Variants in TIAM2 observed in about 807,000 individuals in gnomAD.
TIAM2 encodes rho guanine nucleotide exchange factor TIAM2.
In TIAM2, 80 loss-of-function variants were observed where a neutral mutation model predicts 152.9. That is an observed-to-expected ratio of 0.52 (90% CI 0.44 to 0.63). The LOEUF is 0.63. Among genes scored for constraint, TIAM2 ranks in the 30% least tolerant of loss-of-function variants. TIAM2 has a pLI of 0.00. For missense variants in TIAM2, 1,965 were observed against 2,120.1 expected (o/e 0.93, Z 1.44); for synonymous variants, 804 against 838.0 (o/e 0.96, Z 0.70).
At chr6:155,009,133 G>A (rs1035019961) in intron 1 of TIAM2, among the ~76,000 whole-genome samples, 2 of 119,636 alleles carry the variant, frequency 1.7e-5, no homozygotes, top group South Asian at 2.7e-4. Flanking sequence ...GCAGGGTCTC[G>A]CTCTGTCACC....
chr6:155,002,762 A>T (rs769069162), intron 1 of TIAM2, among the ~76,000 whole-genome samples: 16 of 151,430 alleles, frequency 1.1e-4, no homozygotes, highest in Non-Finnish European at 2.4e-4. Context: ...CTCACTGCGA[A>T]CTCTGCCTCC....
At chr6:155,075,736 A>G (rs1777942026) in intron 1 of TIAM2, among the ~76,000 whole-genome samples, 2 of 152,144 alleles carry the variant, frequency 1.3e-5, no homozygotes, top group Non-Finnish European at 1.5e-5. Context: ...CGGTAATTTT[A>G]TATTCGAAAG....
chr6:155,126,731 CAAATAAAT>C (rs59895840), intron 2 of TIAM2, among the ~76,000 whole-genome samples: 1 of 150,448 alleles, frequency 6.6e-6, no homozygotes, highest in African/African-American at 2.5e-5. Context: ...AACTCTGTCT[CAAATAAAT>C]AAATAAATAA....
At chr6:155,147,546 C>T (rs1038034646) in intron 6 of TIAM2, among the ~76,000 whole-genome samples, 8 of 152,198 alleles carry the variant, frequency 5.3e-5, no homozygotes, top group South Asian at 2.1e-4. Context: ...AGTGCAGTAG[C>T]GTGATCTTGG....
intron 1 of TIAM2, among the ~76,000 whole-genome samples, chr6:155,086,717 A>AAAC (rs1554229185): frequency 2.6e-5 from 4 of 151,030 alleles, no homozygotes; most frequent in African/African-American, 9.7e-5. Context: ...GGAAAAAAAA[A>AAAC]AAAAAAACCC....
rs149547051 is a variant in TIAM2, at chr6:155,041,607, G to T, written c.-209+46115G>T. 3.3e-5 allele frequency among the ~76,000 whole-genome samples: 5 copies of T among 151,944 alleles called. No individual in the cohort carries two copies. The East Asian group carries it at 7.7e-4, about 24-fold the overall frequency. ...AAGTCTTACAAAAATTAGTTGTCAC[G>T]TTCATGTCACAGCTTTGATTTGATC... On this transcript the variant is annotated intron_variant, in intron 1 of 26. Transcript: ENST00000682666.
chr6:155,196,229 C>T (rs1227687075), intron 14 of TIAM2, among the ~76,000 whole-genome samples: 2 of 152,010 alleles, frequency 1.3e-5, no homozygotes, highest in Non-Finnish European at 2.9e-5. Context: ...CAGGTTTTGG[C>T]GTGAGCATCC....
chr6:155,196,149 T>C (rs1781342139), intron 14 of TIAM2, among the ~76,000 whole-genome samples: 1 of 151,664 alleles, frequency 6.6e-6, no homozygotes, highest in South Asian at 2.1e-4. Flanking sequence ...CTGCTTGGGG[T>C]GGTGGCAGTG....
At chr6:155,030,414 A>G (rs1194378515) in intron 1 of TIAM2, among the ~76,000 whole-genome samples, 1 of 152,154 alleles carries the variant, frequency 6.6e-6, no homozygotes, top group Non-Finnish European at 1.5e-5. Flanking sequence ...ACATTTTGTT[A>G]CTATGATCTC....
At chr6:155,125,639 G>C (rs1344291917) in intron 2 of TIAM2, among the ~76,000 whole-genome samples, 1 of 152,182 alleles carries the variant, frequency 6.6e-6, no homozygotes, top group East Asian at 1.9e-4. Flanking sequence ...GGAAGTTCGA[G>C]ACCAGCCTGG....
intron 1 of TIAM2, among the ~76,000 whole-genome samples, chr6:155,071,307 T>C (rs1309670507): frequency 3.3e-5 from 5 of 152,228 alleles, no homozygotes; most frequent in Non-Finnish European, 1.5e-5. Flanking sequence ...AGAGAACACC[T>C]GAACTTACAT....
intron 9 of TIAM2, among the ~76,000 whole-genome samples, chr6:155,176,304 G>T (rs9322503): frequency 0.24 from 36,011 of 152,196 alleles, 5,347 homozygotes; most frequent in Admixed American, 0.36. Flanking sequence ...CATGATCTTG[G>T]CTCACTGCAA....
At chr6:155,103,800 CT>C (rs1455387595) in intron 2 of TIAM2, among the ~76,000 whole-genome samples, 2 of 145,068 alleles carry the variant, frequency 1.4e-5, no homozygotes, top group Admixed American at 1.4e-4. Flanking sequence ...TTCTTCTGAT[CT>C]TTTTTTTGCT....
chr6:155,140,297 G>A (rs1170645272), intron 5 of TIAM2, among the ~76,000 whole-genome samples: 2 of 152,122 alleles, frequency 1.3e-5, no homozygotes, highest in African/African-American at 4.8e-5. Context: ...GAGTGAACAT[G>A]TTCCCTTAAG....
chr6:155,056,167 C>CTTTTTTTT (rs763205169), intron 1 of TIAM2, among the ~76,000 whole-genome samples: 11 of 98,616 alleles, frequency 1.1e-4, no homozygotes, highest in African/African-American at 1.4e-4. Context: ...TATTGTTCTT[C>CTTTTTTTT]TTTTTTTTTT....
At chr6:155,254,820 T>C in intron 26 of TIAM2, 1 of 460,640 alleles carries the variant, frequency 2.2e-6, no homozygotes, top group Non-Finnish European at 4.0e-6. Flanking sequence ...TTTTGTTTCT[T>C]CCACTAAGAT....
intron 5 of TIAM2, 81 bp from the exon 6 acceptor site, chr6:155,144,525 A>G: frequency 1.5e-6 from 2 of 1,369,920 alleles, no homozygotes; most frequent in Admixed American, 3.0e-5. Context: ...TGTTTTTAAA[A>G]AAGTGTGTCA....
chr6:155,152,661 C>G (rs1036854491), intron 7 of TIAM2, among the ~76,000 whole-genome samples: 1 of 152,094 alleles, frequency 6.6e-6, no homozygotes. Flanking sequence ...CAGAGCACCC[C>G]AGTCAAAAAT....
intron 5 of TIAM2, among the ~76,000 whole-genome samples, chr6:155,140,504 A>G (rs938240805): frequency 6.6e-6 from 1 of 151,812 alleles, no homozygotes; most frequent in African/African-American, 2.4e-5. Context: ...CCCCCAGTAT[A>G]CATCACCCTA....
Sources: allele counts gnomAD v4.1 joint callset (sites outside exome capture counted in the v4.1 genomes callset), GRCh38; gene constraint gnomAD v4.1.1; transcripts MANE v1.5; gene names NCBI Gene and HGNC (gene_info 2026-07-23, HGNC 2026-07-21).